The following KIF18B variants were observed in gnomAD, a reference collection of about 807,000 sequenced individuals.
KIF18B encodes kinesin family member 18B.
Under a neutral mutation model 80.9 loss-of-function variants are expected in KIF18B, and 49 were observed. That is an observed-to-expected ratio of 0.61 (90% CI 0.48 to 0.77). The LOEUF is 0.77. KIF18B is among the 30% of genes least tolerant of loss of function. KIF18B has a pLI of 0.00. For missense variants in KIF18B, 994 were observed against 1,127.7 expected, an observed-to-expected ratio of 0.88 and a Z score of 1.70; for synonymous variants, 439 against 463.9, an observed-to-expected ratio of 0.95 and a Z score of 0.69.
chr17:44,933,055 G>A, intron 7 of KIF18B, 69 bp from the exon 8 acceptor site: 2 of 1,409,848 alleles, frequency 1.4e-6, no homozygotes, highest in African/African-American at 1.4e-5. Flanking sequence ...ACCGCCGATG[G>A]CCAGGCACTG....
intron 7 of KIF18B, 58 bp from the exon 8 acceptor site, chr17:44,933,044 C>A: frequency 6.6e-7 from 1 of 1,512,908 alleles, no homozygotes; most frequent in Non-Finnish European, 9.1e-7. Context: ...TTTTATCAGC[C>A]ACCGCCGATG....
chr17:44,929,414 G>A (rs908669374), intron 11 of KIF18B, among the ~76,000 whole-genome samples: 2 of 152,132 alleles, frequency 1.3e-5, no homozygotes, highest in Non-Finnish European at 2.9e-5. Context: ...TACCCTAAGG[G>A]CAGTGCAAAG....
intron 7 of KIF18B, among the ~76,000 whole-genome samples, chr17:44,933,408 T>G (rs555457195): frequency 8.5e-5 from 13 of 152,236 alleles, no homozygotes; most frequent in Non-Finnish European, 1.5e-4. Context: ...TTGGAGAACA[T>G]CTTGCCCCTC....
chr17:44,935,770 C>T (rs2052275030), intron 2 of KIF18B, among the ~76,000 whole-genome samples: 1 of 152,154 alleles, frequency 6.6e-6, no homozygotes, highest in Non-Finnish European at 1.5e-5. Flanking sequence ...TGTCTTCTCC[C>T]CTCTAGACTG....
intron 1 of KIF18B, among the ~76,000 whole-genome samples, chr17:44,941,588 C>G (rs1294594322): frequency 1.3e-5 from 2 of 152,184 alleles, no homozygotes; most frequent in African/African-American, 4.8e-5. Flanking sequence ...ATCCGCCTGC[C>G]TTGGCCTCCC....
At chr17:44,943,075 G>A (rs1160759131) in intron 1 of KIF18B, among the ~76,000 whole-genome samples, 2 of 152,088 alleles carry the variant, frequency 1.3e-5, no homozygotes, top group Admixed American at 6.6e-5. Flanking sequence ...TACATGTTGT[G>A]GTCATGCAGA....
At chr17:44,945,712 C>G (rs1026466161) in intron 1 of KIF18B, among the ~76,000 whole-genome samples, 5 of 151,914 alleles carry the variant, frequency 3.3e-5, no homozygotes, top group Non-Finnish European at 7.4e-5. Flanking sequence ...TGAGACCAGC[C>G]TGGCCAACAC....
At position 44,926,983 on chromosome 17, in the gene KIF18B, C is replaced by T. The variant is rs746581177; in HGVS notation, c.2366+6G>A. On this transcript the variant is annotated splice_donor_region_variant and intron_variant, in intron 14 of 15. Transcript: ENST00000593135. The stretch of plus-strand genomic sequence containing the variant: ...TCCCAGACAGCTGACACCTCCCAAA[C>T]CTCACCTCGCAACGCGCTTCTTCTT... 2 of 1,604,756 alleles carry T rather than the reference C, an allele frequency of 1.2e-6. No homozygotes were observed. Among genetic ancestry groups the T allele is most frequent in the South Asian group, 1.1e-5 (1 of 88,970 alleles).
chr17:44,926,710 A>C (rs974433078), intron 14 of KIF18B, among the ~76,000 whole-genome samples: 13 of 152,090 alleles, frequency 8.5e-5, no homozygotes, highest in African/African-American at 3.1e-4. Context: ...GAGGATGGAG[A>C]GTCCCTTTGC....
chr17:44,928,963 G>C lies in KIF18B; in HGVS notation c.1579C>G (p.Leu527Val). The change falls in exon 12 of 16, where the codon CTC becomes GTC. Residue 527 changes from leucine (L) to valine (V), a missense_variant. Physicochemically the swap from Leu to Val is conservative, Grantham distance 32 (BLOSUM62 1). Coordinates refer to ENST00000593135, the MANE Select transcript of KIF18B (RefSeq NM_001265577.2). ...TCTGTGATCATGTCGGGCGTCAGGA[G>C]GTTGGCTGCTTGGAGCAGGGAGTAC... Reference protein sequence around the residue: ...RQYSLLQAANLLTPDMITEFE... With the variant: ...RQYSLLQAANVLTPDMITEFE... 1 of 1,614,042 alleles carries C rather than the reference G, an allele frequency of 6.2e-7. No homozygotes were observed. Among genetic ancestry groups the C allele is most frequent in the Non-Finnish European group, 8.5e-7 (1 of 1,179,898 alleles).
chr17:44,945,474 A>G (rs2052492651), intron 1 of KIF18B, among the ~76,000 whole-genome samples: 1 of 152,256 alleles, frequency 6.6e-6, no homozygotes, highest in Non-Finnish European at 1.5e-5. Flanking sequence ...TAAGCATTTA[A>G]GACTATAAGT....
intron 1 of KIF18B, among the ~76,000 whole-genome samples, chr17:44,943,483 AT>A (rs1376917938): frequency 1.3e-5 from 2 of 151,896 alleles, no homozygotes; most frequent in African/African-American, 4.8e-5. Flanking sequence ...TTTTATTTTT[AT>A]TTATTTTTCT....
In KIF18B at chr17:44,935,219, G is replaced by C. The variant is rs199959814; in HGVS notation, c.471+40C>G. On this transcript the variant is annotated intron_variant, in intron 3 of 15. Transcript: ENST00000593135. ...CACCCCATGGGCTCACTTCCCCCCG[G>C]GTGGTTGTGAGAACAAGGCCCAGGG... 1.7e-5 allele frequency: 26 copies of C among 1,544,446 alleles called. No individual in the cohort carries two copies. In the East Asian group the frequency reaches 5.5e-4, roughly 33 times the overall value.
chr17:44,939,902 T>A (rs894780714), intron 1 of KIF18B, among the ~76,000 whole-genome samples: 8 of 152,180 alleles, frequency 5.3e-5, no homozygotes, highest in African/African-American at 1.9e-4. Context: ...AACCTCCGCC[T>A]CCCAGGTTCT....
chr17:44,932,786 C>T lies in KIF18B; in HGVS notation c.1138-13G>A, dbSNP rs1364591907. 6.2e-7 allele frequency: 1 copy of T among 1,608,326 alleles called. No homozygotes were observed. The highest frequency in any genetic ancestry group is 2.2e-5 in the East Asian group (1 of 44,798). ...TCAGAGCGGCTACCTGGAACAGAAG[C>T]AGCCCAGCCCCTGAGAGCCCCAGCT... On this transcript the variant is annotated splice_polypyrimidine_tract_variant and intron_variant, in intron 8 of 15. Transcript: ENST00000593135.
intron 7 of KIF18B, 103 bp downstream of exon 7, chr17:44,933,820 G>T: frequency 8.8e-7 from 1 of 1,141,664 alleles, no homozygotes; most frequent in Non-Finnish European, 1.2e-6. Flanking sequence ...TCTGCCTTGG[G>T]GACACTTGGC....
intron 15 of KIF18B, 71 bp from the exon 16 acceptor site, chr17:44,926,257 A>C (rs2052023077): frequency 6.3e-7 from 1 of 1,598,090 alleles, no homozygotes. Flanking sequence ...CCCGTCCTCC[A>C]GCCCACCTCC....
intron 10 of KIF18B, 55 bp from the exon 11 acceptor site, chr17:44,931,784 T>C: frequency 1.3e-6 from 2 of 1,587,724 alleles, no homozygotes; most frequent in Admixed American, 3.6e-5. Flanking sequence ...TCCTCATCTT[T>C]ATAAACAGCT....
At chr17:44,929,867 AATG>A (rs1255733010) in intron 11 of KIF18B, among the ~76,000 whole-genome samples, 2 of 152,208 alleles carry the variant, frequency 1.3e-5, no homozygotes, top group Non-Finnish European at 2.9e-5. Context: ...ACTTGAAGGA[AATG>A]ATGAAGGTAA....
Sources: gnomAD v4.1 joint callset for allele counts (sites outside exome capture counted in the v4.1 genomes callset) on GRCh38, gnomAD v4.1.1 for gene constraint, MANE v1.5 for transcripts, NCBI Gene and HGNC (gene_info 2026-07-23, HGNC 2026-07-21) for gene names.